Variants in CLEC12A observed in about 807,000 individuals in gnomAD.
CLEC12A encodes C-type lectin domain family 12 member A, also known as C-type lectin protein CLL-1.
A neutral mutation model predicts 26.5 loss-of-function variants in CLEC12A; 22 were observed. That is an observed-to-expected ratio of 0.83 (90% CI 0.59 to 1.19). The LOEUF (loss-of-function observed/expected upper bound fraction) is 1.19, where lower values mean the gene tolerates loss of function less well. CLEC12A is among the 50% of genes most tolerant of loss of function. The pLI, the probability that CLEC12A is intolerant of heterozygous loss-of-function variation, is 0.00. For synonymous variants in CLEC12A, 119 were observed against 101.9 expected (o/e 1.17, Z -1.01); for missense variants, 353 against 315.6 (o/e 1.12, Z -0.90).
chr12:9,971,406 T>G, upstream of CLEC12A: 1 of 1,215,058 alleles, frequency 8.2e-7, no homozygotes, highest in Non-Finnish European at 1.0e-6. Context: ...ACAGATGAGA[T>G]TTGGCTCATT....
downstream of CLEC12A, chr12:9,998,464 T>G: frequency 1.1e-6 from 1 of 928,562 alleles, no homozygotes. Flanking sequence ...TGCCCCTGCC[T>G]TCTCAGGGTC....
chr12:9,965,545 A>G (rs1359305189), intron 1 of CLEC12A, among the ~76,000 whole-genome samples: 1 of 151,664 alleles, frequency 6.6e-6, no homozygotes, highest in African/African-American at 2.4e-5. Context: ...AATAGTAAAG[A>G]AAGCATGTTT....
the CLEC12A span, among the ~76,000 whole-genome samples, chr12:10,001,721 C>A: frequency 2.0e-5 from 3 of 152,286 alleles, no homozygotes; most frequent in Admixed American, 2.0e-4. Context: ...GCTTCTTTTC[C>A]TTTTCCCAAA....
intron 5 of CLEC12A, chr12:9,983,563 A>T: frequency 1.4e-6 from 1 of 695,308 alleles, no homozygotes; most frequent in South Asian, 1.5e-5. Flanking sequence ...CCAGAGTCTC[A>T]ACCTGCTGGA....
chr12:9,966,046 A>T (rs1343765760), intron 1 of CLEC12A, among the ~76,000 whole-genome samples: 2 of 152,196 alleles, frequency 1.3e-5, no homozygotes, highest in Non-Finnish European at 2.9e-5. Context: ...TCTCAGCCTA[A>T]TAAGGGAACT....
Position 9,979,079 on chromosome 12 carries a change from T to A in CLEC12A, c.190+15T>A. 6.3e-7 allele frequency: 1 copy of A among 1,592,970 alleles called. No homozygotes were observed. Among genetic ancestry groups the A allele is most frequent in the Non-Finnish European group, 8.6e-7 (1 of 1,161,192 alleles). On this transcript the variant is annotated intron_variant, in intron 2 of 5. Coordinates refer to ENST00000304361, the MANE Select transcript of CLEC12A (RefSeq NM_138337.6). The stretch of plus-strand genomic sequence containing the variant: ...GGCAAGCATGTGTATGTACTGCCCC[T>A]GTTTTTGTCAAGAGGAAGTATCTAG...
At chr12:9,956,668 C>T (rs1863746256) in intron 1 of CLEC12A, among the ~76,000 whole-genome samples, 1 of 152,190 alleles carries the variant, frequency 6.6e-6, no homozygotes, top group East Asian at 1.9e-4. Context: ...ATTCTTGCTT[C>T]AGTTTATGCA....
intron 4 of CLEC12A, among the ~76,000 whole-genome samples, chr12:9,994,222 C>G (rs556358249): frequency 2.6e-5 from 4 of 151,970 alleles, no homozygotes; most frequent in African/African-American, 9.7e-5. Context: ...AAGACAAAAG[C>G]CTTAAGGTAA....
At chr12:9,986,075 G>GA (rs1864758352), downstream of CLEC12A, 1 of 452,362 alleles carries the variant, frequency 2.2e-6, no homozygotes, top group Non-Finnish European at 4.5e-6. Context: ...CATTCTCAGT[G>GA]AAATACAGAT....
chr12:9,953,691 C>G (rs1328847068), intron 1 of CLEC12A, among the ~76,000 whole-genome samples: 4 of 151,634 alleles, frequency 2.6e-5, no homozygotes, highest in Non-Finnish European at 5.9e-5. Context: ...GCCCGGCCAC[C>G]ACCCCGTCTG....
chr12:9,990,789 A>C (rs535701203), intron 4 of CLEC12A, among the ~76,000 whole-genome samples: 1 of 152,298 alleles, frequency 6.6e-6, no homozygotes, highest in African/African-American at 2.4e-5. Flanking sequence ...GGAAGACTAA[A>C]TTGATGCTAC....
intron 1 of CLEC12A, 95 bp downstream of exon 1, chr12:9,971,782 C>A (rs530928031): frequency 4.0e-6 from 4 of 998,590 alleles, no homozygotes; most frequent in African/African-American, 3.4e-5. Context: ...TACTATTCAA[C>A]TTAAATTTTC....
chr12:9,996,516 AGT>A, downstream of CLEC12A, among the ~76,000 whole-genome samples: 1 of 149,730 alleles, frequency 6.7e-6, no homozygotes, highest in Non-Finnish European at 1.5e-5. Flanking sequence ...CCACAGAAAC[AGT>A]AAGTGGACAG....
In CLEC12A at chr12:9,985,056, AG is replaced by A; in HGVS notation, c.*35del. On this transcript the variant is annotated 3_prime_UTR_variant, in exon 6 of 6. Transcript: ENST00000304361. ...TCAATCAAATACATTTAAGGAGTGT[AG>A]GGGGTGGGGGTTCTAGGCTATAGGT... 1 of 1,428,646 alleles carries A rather than the reference AG, an allele frequency of 7.0e-7. No homozygotes were observed. 88.5% of individuals were successfully genotyped at this position (1,428,646 alleles called of 1,614,324 possible).
chr12:9,993,613 C>T (rs77503935), intron 4 of CLEC12A, among the ~76,000 whole-genome samples: 3,467 of 151,940 alleles, frequency 0.023, 122 homozygotes, highest in African/African-American at 0.078. Context: ...GACTTTAGTT[C>T]GGTATTGATG....
At position 9,995,036 on chromosome 12, in the gene CLEC12A, G is replaced by C. The variant is rs756927194; in HGVS notation, n.1023G>C. On this transcript the variant is annotated non_coding_transcript_exon_variant, in exon 5 of 5. Coordinates refer to the CLEC12A transcript ENST00000449959. ...GAATTAGCAGGTAAGTGACCCAGCT[G>C]CTGCTTCTATAACCCATAGTAGTGA... The C allele has an allele frequency of 3.2e-6, 5 of 1,583,296 alleles. No homozygotes were observed. The Admixed American group carries it at 8.5e-5, about 27-fold the overall frequency.
intron 1 of CLEC12A, among the ~76,000 whole-genome samples, chr12:9,956,962 A>G (rs1370159693): frequency 6.7e-6 from 1 of 149,330 alleles, no homozygotes; most frequent in Non-Finnish European, 1.5e-5. Context: ...CACTGGATGC[A>G]TAAGGAAATA....
chr12:9,972,720 T>C lies in CLEC12A; in HGVS notation c.91+1033T>C, dbSNP rs79363070. On this transcript the variant is annotated intron_variant, in intron 1 of 5. Coordinates refer to ENST00000304361, the MANE Select transcript of CLEC12A (RefSeq NM_138337.6). ...CACTGTTACATCTTGGATCCATTTA[T>C]GATGAGCATTGTAAATCTTGAGAAA... Among the ~76,000 whole-genome samples, 66 of 152,350 alleles carry C rather than the reference T, an allele frequency of 4.3e-4. No individual in the cohort carries two copies. The East Asian group carries it at 0.01, about 23-fold the overall frequency.
chr12:9,980,595 G>C lies in CLEC12A; in HGVS notation c.393G>C (p.Lys131Asn). The C allele has an allele frequency of 6.2e-7, 1 of 1,613,608 alleles. No individual in the cohort carries two copies. Among genetic ancestry groups the C allele is most frequent in the Non-Finnish European group, 8.5e-7 (1 of 1,179,706 alleles). Reference sequence around the variant, plus strand: ...TTCTTCTTCCAGAGCACAAATGTAAGCCTTGTCCAAGGAGATGGATTTGGC... The same window carrying C: ...TTCTTCTTCCAGAGCACAAATGTAACCCTTGTCCAAGGAGATGGATTTGGC... Reference protein sequence around the residue: ...LYSKEQEHKCKPCPRRWIWHK... With the variant: ...LYSKEQEHKCNPCPRRWIWHK... The change falls in exon 4 of 6, where the codon AAG (lysine) becomes AAC (asparagine). Residue 131 changes from lysine (K) to asparagine (N), a missense_variant. By Grantham distance (94) the Lys-to-Asn change is moderately conservative (BLOSUM62 0). Coordinates refer to ENST00000304361, the MANE Select transcript of CLEC12A (RefSeq NM_138337.6).
Sources: gnomAD v4.1 joint callset for allele counts (sites outside exome capture counted in the v4.1 genomes callset) on GRCh38, gnomAD v4.1.1 for gene constraint, MANE v1.5 for transcripts, NCBI Gene and HGNC (gene_info 2026-07-23, HGNC 2026-07-21) for gene names.